Variants in IL1RAPL2 observed in about 807,000 individuals in gnomAD.
IL1RAPL2 encodes interleukin 1 receptor accessory protein like 2, also known as X-linked interleukin-1 receptor accessory protein-like 2.
A neutral mutation model predicts 44.1 loss-of-function variants in IL1RAPL2; 3 were observed. The observed-to-expected ratio is 0.07, with a 90% CI of 0.03 to 0.18. The LOEUF is 0.18. Ranked by LOEUF, IL1RAPL2 falls within the 10% of genes least tolerant of loss-of-function variation. IL1RAPL2 has a pLI of 1.00. For synonymous variants in IL1RAPL2, 181 were observed against 178.8 expected, an observed-to-expected ratio of 1.01 and a Z score of -0.10; for missense variants, 391 against 496.4, an observed-to-expected ratio of 0.79 and a Z score of 2.02.
intron 2 of IL1RAPL2, among the ~76,000 whole-genome samples, chrX:104,660,382 T>A (rs1422420842): frequency 9.2e-6 from 1 of 108,774 alleles, no homozygotes; most frequent in Non-Finnish European, 1.9e-5. Context: ...CTGGAGCAGA[T>A]CCGAAAGGAA....
At chrX:105,134,183 G>C (rs2033054545) in intron 2 of IL1RAPL2, among the ~76,000 whole-genome samples, 1 of 111,927 alleles carries the variant, frequency 8.9e-6, no homozygotes, top group Non-Finnish European at 1.9e-5. Flanking sequence ...ATTCAAAATT[G>C]ATTTAGTCAT....
chrX:105,626,350 TCAA>T (rs750737898), intron 6 of IL1RAPL2, among the ~76,000 whole-genome samples: 1 of 111,214 alleles, frequency 9.0e-6, no homozygotes, highest in Admixed American at 9.6e-5. Flanking sequence ...TGGAAGAAGG[TCAA>T]CAACCCATTT....
chrX:105,033,861 C>A (rs758738210), intron 2 of IL1RAPL2, among the ~76,000 whole-genome samples: 5 of 112,024 alleles, frequency 4.5e-5, no homozygotes, highest in African/African-American at 6.5e-5. Flanking sequence ...TCAGGTACAC[C>A]AATCAGACAT....
Position 104,654,972 on chromosome X carries a change from T to C in IL1RAPL2, c.-19-3923T>C, listed in dbSNP as rs58271286. On this transcript the variant is annotated intron_variant, in intron 1 of 10. Transcript: ENST00000372582. ...AGTCCACTCATGATTTGGCTCTCTG[T>C]TTGTCTGTTATTGGTGTATAGGAAT... 2.8e-3 allele frequency among the ~76,000 whole-genome samples: 313 copies of C among 111,387 alleles called. 2 individuals are homozygous for C. The highest frequency in any genetic ancestry group is 9.7e-3 in the African/African-American group (298 of 30,625).
chrX:105,369,224 A>G (rs146432708), intron 5 of IL1RAPL2, among the ~76,000 whole-genome samples: 4 of 110,361 alleles, frequency 3.6e-5, no homozygotes, highest in Non-Finnish European at 7.6e-5. Context: ...TCTTCATTTT[A>G]CTTGACTCTC....
chrX:105,205,490 T>C (rs1569403380), intron 3 of IL1RAPL2, among the ~76,000 whole-genome samples: 1 of 99,269 alleles, frequency 1.0e-5, no homozygotes, highest in African/African-American at 3.7e-5. Flanking sequence ...CTTGGGAAGC[T>C]GAAGCAAGAG....
intron 5 of IL1RAPL2, among the ~76,000 whole-genome samples, chrX:105,424,396 A>G (rs1005040866): frequency 6.3e-5 from 7 of 110,875 alleles, no homozygotes; most frequent in African/African-American, 2.3e-4. Flanking sequence ...AAAGGAGGCA[A>G]TCAGATATCC....
At chrX:105,171,504 T>C (rs1000859885) in intron 2 of IL1RAPL2, among the ~76,000 whole-genome samples, 1 of 110,288 alleles carries the variant, frequency 9.1e-6, no homozygotes, top group African/African-American at 3.3e-5. Flanking sequence ...GCATAGGGAG[T>C]AAGGCTAGGT....
chrX:105,195,440 C>A (rs781974599), intron 2 of IL1RAPL2, 35 bp from the exon 3 acceptor site: 2 of 1,193,221 alleles, frequency 1.7e-6, no homozygotes, highest in East Asian at 5.9e-5. Context: ...CAACAATGCT[C>A]ACTGTATCTT....
chrX:105,165,650 C>A (rs767538411), intron 2 of IL1RAPL2, among the ~76,000 whole-genome samples: 19 of 112,140 alleles, frequency 1.7e-4, no homozygotes, highest in Non-Finnish European at 3.4e-4. Flanking sequence ...TTTAAATGAT[C>A]TGTCTCCTAT....
rs959599110 is a variant in IL1RAPL2 at position 105,133,575 on chromosome X, A to G, written c.83-61900A>G. ...AACAATAACAATAATTACAAATATT[A>G]TAATATTTTTGTTTTAGTTCAGGCT... On this transcript the variant is annotated intron_variant, in intron 2 of 10. Transcript: ENST00000372582. Among the ~76,000 whole-genome samples, 4 of 112,014 alleles carry G rather than the reference A, an allele frequency of 3.6e-5. No homozygotes were observed. In the East Asian group the frequency reaches 1.1e-3, roughly 32 times the overall value.
chrX:104,838,402 T>C (rs1289779223), intron 2 of IL1RAPL2, among the ~76,000 whole-genome samples: 4 of 111,490 alleles, frequency 3.6e-5, no homozygotes, highest in Admixed American at 9.6e-5. Context: ...TTTATTTCCT[T>C]GAGCAGCAGT....
intron 2 of IL1RAPL2, among the ~76,000 whole-genome samples, chrX:104,938,382 A>G (rs1220073675): frequency 8.9e-6 from 1 of 111,942 alleles, no homozygotes; most frequent in Non-Finnish European, 1.9e-5. Context: ...AGGACAAAAT[A>G]TTGAAATTTG....
chrX:105,079,359 CAG>C (rs1241598743), intron 2 of IL1RAPL2, among the ~76,000 whole-genome samples: 2 of 108,810 alleles, frequency 1.8e-5, no homozygotes, highest in African/African-American at 3.3e-5. Context: ...ACTATAAAGA[CAG>C]AGAGACACAT....
At chrX:104,582,626 TTCTTTCTTTCTTTC>T (rs1928391722) in intron 1 of IL1RAPL2, among the ~76,000 whole-genome samples, 14 of 63,976 alleles carry the variant, frequency 2.2e-4, no homozygotes, top group East Asian at 6.9e-4. Flanking sequence ...CTTTCTTTCT[TTCTTTCTTTCTTTC>T]TCTCTTTCTT....
chrX:104,830,133 A>G (rs1921567387), intron 2 of IL1RAPL2, among the ~76,000 whole-genome samples: 1 of 111,489 alleles, frequency 9.0e-6, no homozygotes, highest in Non-Finnish European at 1.9e-5. Flanking sequence ...GGTTTATCCA[A>G]CTCTTGGCAG....
At chrX:104,830,358 T>C (rs931982358) in intron 2 of IL1RAPL2, among the ~76,000 whole-genome samples, 3 of 111,536 alleles carry the variant, frequency 2.7e-5, no homozygotes, top group African/African-American at 6.5e-5. Context: ...TATATCACTA[T>C]GGTATGTAGA....
intron 1 of IL1RAPL2, among the ~76,000 whole-genome samples, chrX:104,569,565 G>A (rs1427342259): frequency 8.9e-6 from 1 of 112,118 alleles, no homozygotes; most frequent in Non-Finnish European, 1.9e-5. Context: ...CAGCTGCAAA[G>A]CCCATTGAAA....
At chrX:105,185,865 C>G (rs1487843440) in intron 2 of IL1RAPL2, among the ~76,000 whole-genome samples, 1 of 111,985 alleles carries the variant, frequency 8.9e-6, no homozygotes, top group African/African-American at 3.2e-5. Context: ...TCCACTAGCC[C>G]TTAATTATGT....
Sources: allele counts gnomAD v4.1 joint callset (sites outside exome capture counted in the v4.1 genomes callset), GRCh38; gene constraint gnomAD v4.1.1; transcripts MANE v1.5; gene names NCBI Gene and HGNC (gene_info 2026-07-23, HGNC 2026-07-21).